The following LPP variants were observed in gnomAD, a reference collection of about 807,000 sequenced individuals.
LPP encodes the protein lipoma-preferred partner.
A neutral mutation model predicts 60.4 loss-of-function variants in LPP; 38 were observed. The observed-to-expected ratio is 0.63, with a 90% confidence interval of 0.49 to 0.83. The LOEUF is 0.83. Ranked by LOEUF, LPP falls within the 40% of genes least tolerant of loss-of-function variation. The pLI is 0.00. For synonymous variants in LPP, 328 were observed against 290.8 expected (o/e 1.13, Z -1.30); for missense variants, 902 against 783.6 (o/e 1.15, Z -1.80).
chr3:188,758,700 G>A (rs1452000003), intron 8 of LPP: 1 of 152,148 alleles, frequency 6.6e-6, no homozygotes, highest in Non-Finnish European at 1.5e-5. Flanking sequence ...CGTCTTCAGT[G>A]AGAAGTCTCT....
intron 1 of LPP, among the ~76,000 whole-genome samples, chr3:188,221,491 C>T (rs963654205): frequency 6.6e-5 from 10 of 152,188 alleles, no homozygotes; most frequent in African/African-American, 1.2e-4. Flanking sequence ...CTCTTTGGTG[C>T]GCCCCTGAAT....
intron 7 of LPP, among the ~76,000 whole-genome samples, chr3:188,664,171 T>C (rs974792908): frequency 1.4e-4 from 21 of 152,250 alleles, no homozygotes; most frequent in African/African-American, 4.8e-4. Flanking sequence ...ATCCTTGAGC[T>C]AAAAGTGTCC....
At chr3:188,490,969 G>A (rs1403640281) in intron 5 of LPP, among the ~76,000 whole-genome samples, 2 of 151,734 alleles carry the variant, frequency 1.3e-5, no homozygotes, top group Admixed American at 6.6e-5. Flanking sequence ...CACCGTGTTA[G>A]CCAGGATGGT....
intron 6 of LPP, among the ~76,000 whole-genome samples, chr3:188,569,786 C>T (rs377453544): frequency 6.6e-6 from 1 of 152,058 alleles, no homozygotes; most frequent in East Asian, 1.9e-4. Flanking sequence ...ACTGAAAATA[C>T]TAACAGTCCC....
chr3:188,781,638 C>CT (rs1230111490), intron 9 of LPP, among the ~76,000 whole-genome samples: 2 of 151,816 alleles, frequency 1.3e-5, no homozygotes, highest in African/African-American at 4.8e-5. Context: ...AATCCCAGCA[C>CT]TTTGGGAGGC....
At chr3:188,304,995 A>G (rs893376773) in intron 2 of LPP, among the ~76,000 whole-genome samples, 58 of 152,288 alleles carry the variant, frequency 3.8e-4, no homozygotes, top group African/African-American at 1.3e-3. Context: ...ATAATAGCAA[A>G]AGACTGATAC....
At chr3:188,250,537 A>T (rs1245383712) in intron 2 of LPP, among the ~76,000 whole-genome samples, 1 of 152,184 alleles carries the variant, frequency 6.6e-6, no homozygotes, top group Non-Finnish European at 1.5e-5. Context: ...CCTTATCAAA[A>T]TATTACCCTA....
At chr3:188,799,729 TA>T (rs1384223834) in intron 9 of LPP, among the ~76,000 whole-genome samples, 1 of 152,222 alleles carries the variant, frequency 6.6e-6, no homozygotes, top group Non-Finnish European at 1.5e-5. Flanking sequence ...GTCTTGCACT[TA>T]AGGTTTAACT....
intron 2 of LPP, among the ~76,000 whole-genome samples, chr3:188,324,699 G>A (rs1357820264): frequency 2.0e-5 from 3 of 152,070 alleles, no homozygotes; most frequent in African/African-American, 7.2e-5. Context: ...TACTTTTATG[G>A]TTTCCCCTTG....
intron 5 of LPP, among the ~76,000 whole-genome samples, chr3:188,514,643 T>C (rs930801886): frequency 1.3e-5 from 2 of 152,128 alleles, no homozygotes; most frequent in African/African-American, 4.8e-5. Flanking sequence ...CGTTTCGCCA[T>C]GTTGGCCAGG....
chr3:188,776,048 G>A (rs548367104), intron 9 of LPP, among the ~76,000 whole-genome samples: 96 of 152,354 alleles, frequency 6.3e-4, no homozygotes, highest in African/African-American at 2.0e-3. Context: ...ACTGTGCTCC[G>A]TGCTATGCGG....
chr3:188,570,905 A>C (rs907633853), intron 6 of LPP, among the ~76,000 whole-genome samples: 1 of 152,120 alleles, frequency 6.6e-6, no homozygotes, highest in Admixed American at 6.6e-5. Context: ...TTCTAAAAAA[A>C]AGTATAAGAT....
intron 6 of LPP, among the ~76,000 whole-genome samples, chr3:188,580,887 CT>C (rs1484772561): frequency 1.3e-5 from 2 of 152,064 alleles, no homozygotes; most frequent in Non-Finnish European, 2.9e-5. Context: ...TGAGATGAAG[CT>C]ACTTGCCACA....
intron 2 of LPP, among the ~76,000 whole-genome samples, chr3:188,278,418 C>T (rs1213954083): frequency 1.3e-5 from 2 of 152,210 alleles, no homozygotes; most frequent in African/African-American, 2.4e-5. Context: ...GTCCTCACCT[C>T]TTCCTCCCAT....
chr3:188,203,269 A>C (rs1731630003), intron 1 of LPP, among the ~76,000 whole-genome samples: 1 of 123,296 alleles, frequency 8.1e-6, no homozygotes, highest in Non-Finnish European at 1.6e-5. Context: ...TAAAATATAT[A>C]ATATATAATA....
intron 2 of LPP, among the ~76,000 whole-genome samples, chr3:188,249,163 C>T (rs1728173412): frequency 6.6e-6 from 1 of 152,092 alleles, no homozygotes; most frequent in Admixed American, 6.6e-5. Flanking sequence ...ACTTGGGAGG[C>T]CGAGCAGGGA....
chr3:188,257,771 G>A (rs927299923), intron 2 of LPP, among the ~76,000 whole-genome samples: 25 of 152,176 alleles, frequency 1.6e-4, no homozygotes, highest in Admixed American at 3.9e-4. Context: ...GAAAAACAAC[G>A]TGCAAGACAT....
intron 2 of LPP, among the ~76,000 whole-genome samples, chr3:188,242,835 G>A (rs989836666): frequency 2.0e-5 from 3 of 152,168 alleles, no homozygotes; most frequent in African/African-American, 4.8e-5. Context: ...CGAATGAGGC[G>A]ATGTCTACAA....
chr3:188,710,945 A>T (rs944704889), intron 8 of LPP: 9 of 152,190 alleles, frequency 5.9e-5, no homozygotes, highest in Admixed American at 4.6e-4. Context: ...TTTATCTGTA[A>T]TATGGGAATA....
Sources: allele counts gnomAD v4.1 joint callset (sites outside exome capture counted in the v4.1 genomes callset), GRCh38; gene constraint gnomAD v4.1.1; transcripts MANE v1.5; gene names NCBI Gene and HGNC (gene_info 2026-07-23, HGNC 2026-07-21).